DEPDC5: variants seen among roughly 807,000 people sequenced by gnomAD.
DEPDC5 encodes the protein DEP domain containing 5, GATOR1 subcomplex subunit.
Under a neutral mutation model 217.3 loss-of-function variants are expected in DEPDC5, and 73 were observed. The ratio of observed to expected loss-of-function variants is 0.34; its 90% CI spans 0.28 to 0.41. The LOEUF (loss-of-function observed/expected upper bound fraction) is 0.41. DEPDC5 is among the 10% of genes least tolerant of loss of function. DEPDC5 has a pLI of 1.00. For missense variants in DEPDC5, 1,675 were observed against 2,070.1 expected (o/e 0.81, Z 3.70); for synonymous variants, 733 against 756.7 (o/e 0.97, Z 0.51).
intron 12 of DEPDC5, 30 bp from the exon 13 acceptor site, chr22:31,797,570 A>C (rs1225815978): frequency 1.9e-6 from 3 of 1,568,704 alleles, no homozygotes; most frequent in Non-Finnish European, 2.6e-6. Flanking sequence ...CAGCTGCTCA[A>C]TATCCATTTT....
chr22:31,898,377 C>T (rs1378259620), intron 40 of DEPDC5, among the ~76,000 whole-genome samples: 1 of 152,146 alleles, frequency 6.6e-6, no homozygotes, highest in African/African-American at 2.4e-5. Flanking sequence ...TTTTTATTAC[C>T]AAGTGCTCGT....
intron 38 of DEPDC5, among the ~76,000 whole-genome samples, chr22:31,886,651 T>C (rs986777490): frequency 1.3e-5 from 2 of 148,966 alleles, no homozygotes; most frequent in Admixed American, 6.8e-5. Flanking sequence ...TCCCAGCTAC[T>C]CGTGAGGCTG....
chr22:31,809,687 G>A (rs1295564565), intron 19 of DEPDC5, 40 bp downstream of exon 19: 1 of 1,609,952 alleles, frequency 6.2e-7, no homozygotes, highest in Non-Finnish European at 8.5e-7. Flanking sequence ...CTTTTAAAAA[G>A]AGAGTCAGCT....
chr22:31,882,324 G>A (rs2093198900), intron 38 of DEPDC5, among the ~76,000 whole-genome samples: 1 of 152,156 alleles, frequency 6.6e-6, no homozygotes, highest in South Asian at 2.1e-4. Flanking sequence ...ACCAAAGAGA[G>A]AGCTGAAAAG....
intron 10 of DEPDC5, among the ~76,000 whole-genome samples, chr22:31,788,954 G>A (rs989058919): frequency 2.0e-5 from 3 of 152,076 alleles, no homozygotes; most frequent in South Asian, 2.1e-4. Context: ...GCAGTGCTGC[G>A]ATCTCGAACA....
intron 21 of DEPDC5, among the ~76,000 whole-genome samples, chr22:31,816,571 C>T (rs970648591): frequency 6.6e-6 from 1 of 151,892 alleles, no homozygotes; most frequent in Non-Finnish European, 1.5e-5. Context: ...GCTGGGATTA[C>T]AGGCACACAC....
chr22:31,819,679 A>G (rs1028445688), intron 22 of DEPDC5, among the ~76,000 whole-genome samples: 1 of 152,020 alleles, frequency 6.6e-6, no homozygotes, highest in African/African-American at 2.4e-5. Flanking sequence ...CATGTTGCCT[A>G]GGCTGGTCTT....
At chr22:31,836,472 C>T (rs1419893897) in intron 25 of DEPDC5, among the ~76,000 whole-genome samples, 1 of 152,190 alleles carries the variant, frequency 6.6e-6, no homozygotes, top group African/African-American at 2.4e-5. Flanking sequence ...TTTTTCCTCC[C>T]ACCCTTTTGA....
intron 20 of DEPDC5, 42 bp from the exon 21 acceptor site, chr22:31,814,950 C>A (rs1233174786): frequency 1.2e-6 from 2 of 1,607,860 alleles, no homozygotes; most frequent in Admixed American, 3.3e-5. Flanking sequence ...GGTAGGACAG[C>A]ATCCCTCGCT....
intron 27 of DEPDC5, among the ~76,000 whole-genome samples, chr22:31,841,399 T>C (rs2091384966): frequency 6.6e-6 from 1 of 152,222 alleles, no homozygotes; most frequent in Non-Finnish European, 1.5e-5. Flanking sequence ...TCCAGGTTCT[T>C]GGCACCTCAA....
At chr22:31,820,270 C>A (rs535835442) in intron 22 of DEPDC5, among the ~76,000 whole-genome samples, 1 of 152,232 alleles carries the variant, frequency 6.6e-6, no homozygotes, top group South Asian at 2.1e-4. Flanking sequence ...CATCACCACA[C>A]CTGGCTAATT....
intron 4 of DEPDC5, among the ~76,000 whole-genome samples, chr22:31,763,901 TTTATGTTATGTTATGTTATGTTTG>T (rs1569510199): frequency 1.3e-5 from 2 of 152,094 alleles, no homozygotes; most frequent in East Asian, 1.9e-4. Flanking sequence ...TGTTATGTTT[TTTATGTTATGTTATGTTATGTTTG>T]TTATGTTATG....
intron 16 of DEPDC5, 101 bp from the exon 17 acceptor site, chr22:31,804,741 T>C: frequency 7.9e-7 from 1 of 1,271,840 alleles, no homozygotes; most frequent in East Asian, 2.4e-5. Context: ...CGCCCAGCCC[T>C]AAAAAATTTT....
At chr22:31,895,143 CAAAAAAAAA>C (rs56247667) in intron 39 of DEPDC5, among the ~76,000 whole-genome samples, 3 of 57,608 alleles carry the variant, frequency 5.2e-5, no homozygotes, top group Admixed American at 2.0e-4. Context: ...GAATCCGTCT[CAAAAAAAAA>C]AAAAAAAAAA....
chr22:31,859,741 C>T, intron 32 of DEPDC5, among the ~76,000 whole-genome samples: 1 of 152,150 alleles, frequency 6.6e-6, no homozygotes. Context: ...AGAGGGCTGG[C>T]CAGATTTGGC....
At chr22:31,888,240 G>GT (rs71184531) in intron 38 of DEPDC5, among the ~76,000 whole-genome samples, 39,151 of 66,476 alleles carry the variant, frequency 0.59, 15,687 homozygotes, top group East Asian at 0.79. Flanking sequence ...TTTGTCTGTG[G>GT]TTTTTTTTTT....
intron 9 of DEPDC5, 96 bp from the exon 10 acceptor site, chr22:31,784,718 A>G: frequency 2.5e-6 from 3 of 1,202,864 alleles, no homozygotes; most frequent in Non-Finnish European, 3.6e-6. Context: ...TTGCTTAGAG[A>G]AGAATTTACT....
chr22:31,759,676 C>CTTT (rs35291104), intron 3 of DEPDC5, among the ~76,000 whole-genome samples: 9 of 94,958 alleles, frequency 9.5e-5, no homozygotes, highest in South Asian at 3.8e-4. Context: ...CGCGCCCAGC[C>CTTT]TTTTTTTTTT....
chr22:31,851,066 C>T (rs943640073), intron 31 of DEPDC5, among the ~76,000 whole-genome samples: 1 of 115,260 alleles, frequency 8.7e-6, no homozygotes, highest in Non-Finnish European at 1.8e-5. Flanking sequence ...GACTCCGTCT[C>T]AAAAAAAAAA....
Sources: allele counts gnomAD v4.1 joint callset (sites outside exome capture counted in the v4.1 genomes callset), GRCh38; gene constraint gnomAD v4.1.1; transcripts MANE v1.5; gene names NCBI Gene and HGNC (gene_info 2026-07-23, HGNC 2026-07-21).